DNAJC6: variants seen among roughly 807,000 people sequenced by gnomAD.
DNAJC6 encodes DnaJ heat shock protein family (Hsp40) member C6, also known as auxilin.
A neutral mutation model predicts 110.0 loss-of-function variants in DNAJC6; 34 were observed. The ratio of observed to expected loss-of-function variants is 0.31; its 90% CI spans 0.24 to 0.41. The LOEUF is 0.41. Among genes scored for constraint, DNAJC6 ranks in the 10% least tolerant of loss-of-function variants. DNAJC6 has a pLI of 1.00. For synonymous variants in DNAJC6, 406 were observed against 437.2 expected (o/e 0.93, Z 0.89); for missense variants, 1,031 against 1,207.8 (o/e 0.85, Z 2.17).
chr1:65,319,313 A>T (rs1219198935), intron 1 of DNAJC6, among the ~76,000 whole-genome samples: 1 of 152,146 alleles, frequency 6.6e-6, no homozygotes, highest in Non-Finnish European at 1.5e-5. Context: ...TAGGCTGCCC[A>T]TTAGGCTGTG....
At chr1:65,325,870 A>G (rs1645237458) in intron 1 of DNAJC6, among the ~76,000 whole-genome samples, 1 of 152,226 alleles carries the variant, frequency 6.6e-6, no homozygotes, top group South Asian at 2.1e-4. Flanking sequence ...ATGTTACTGT[A>G]CTGAATACTG....
intron 5 of DNAJC6, among the ~76,000 whole-genome samples, chr1:65,381,342 G>A (rs553255053): frequency 1.3e-5 from 2 of 152,076 alleles, no homozygotes. Flanking sequence ...GAGGTCAGGA[G>A]TTTGAGACCA....
intron 4 of DNAJC6, among the ~76,000 whole-genome samples, chr1:65,368,672 TCTCCCTTC>T (rs1307388378): frequency 8.8e-6 from 1 of 114,106 alleles, no homozygotes; most frequent in Non-Finnish European, 1.8e-5. Flanking sequence ...TTCCTTCCTC[TCTCCCTTC>T]CTCCCTTCCT....
chr1:65,348,934 G>T (rs2101510693), intron 1 of DNAJC6, among the ~76,000 whole-genome samples: 1 of 145,864 alleles, frequency 6.9e-6, no homozygotes, highest in South Asian at 2.1e-4. Context: ...ATATTTGTGT[G>T]TGTGCATGTG....
At chr1:65,298,570 C>T (rs1644948339) in intron 1 of DNAJC6, among the ~76,000 whole-genome samples, 1 of 151,064 alleles carries the variant, frequency 6.6e-6, no homozygotes, top group Non-Finnish European at 1.5e-5. Context: ...GGGGTCTATA[C>T]ATATGAAAAA....
Position 65,398,808 on chromosome 1 carries a change from T to G in DNAJC6, c.2039-5T>G, listed in dbSNP as rs1472983665. The G allele has an allele frequency of 6.2e-7, 1 of 1,614,082 alleles. No homozygotes were observed. The highest frequency in any genetic ancestry group is 8.5e-7 in the Non-Finnish European group (1 of 1,179,974). On this transcript the variant is annotated splice_polypyrimidine_tract_variant and splice_region_variant and intron_variant, in intron 13 of 18. Coordinates refer to ENST00000371069, the MANE Select transcript of DNAJC6 (RefSeq NM_001256864.2). ...TCTCATTCTTTTTCTTTTCCCCATT[T>G]GCAGCTTCTAGTACGCCTGCTGTGA...
chr1:65,359,971 G>A (rs898180341), intron 1 of DNAJC6, among the ~76,000 whole-genome samples: 1 of 152,146 alleles, frequency 6.6e-6, no homozygotes, highest in Non-Finnish European at 1.5e-5. Flanking sequence ...TTCACAGACT[G>A]TACAAAAACA....
chr1:65,382,174 CAT>C (rs1645828462), intron 5 of DNAJC6, among the ~76,000 whole-genome samples: 1 of 152,162 alleles, frequency 6.6e-6, no homozygotes, highest in Non-Finnish European at 1.5e-5. Context: ...AAGGAATCTC[CAT>C]TGGTTTGTTA....
chr1:65,361,690 G>A (rs1279916611), intron 1 of DNAJC6, among the ~76,000 whole-genome samples: 3 of 152,210 alleles, frequency 2.0e-5, no homozygotes, highest in Non-Finnish European at 2.9e-5. Flanking sequence ...ATATGTACTA[G>A]TTGTAGGAAT....
In DNAJC6 at chr1:65,392,655, A is replaced by C. The variant is rs1041755718; in HGVS notation, c.1693A>C (p.Ser565Arg). 26 of 1,613,268 alleles carry C rather than the reference A, an allele frequency of 1.6e-5. No homozygotes were observed. The South Asian group carries it at 2.8e-4, about 17-fold the overall frequency. The change falls in exon 12 of 19, where the codon AGT (serine) becomes CGT (arginine). Residue 565 changes from serine (S) to arginine (R), a missense_variant. Physicochemically the swap from Ser to Arg is moderately radical, Grantham distance 110. Transcript: ENST00000371069. ...TTTGGGCCTGGAAGGGTCTGCAATG[A>C]GTAACAGCTTCTCTCCGCCAGCGGC... ...DLLGLEGSAM[S>R]NSFSPPAAPP...
At chr1:65,409,128 G>A (rs1486346783) in intron 17 of DNAJC6, among the ~76,000 whole-genome samples, 1 of 152,044 alleles carries the variant, frequency 6.6e-6, no homozygotes, top group Non-Finnish European at 1.5e-5. Flanking sequence ...ATTTATAAGA[G>A]GTCTGTCTCA....
intron 1 of DNAJC6, among the ~76,000 whole-genome samples, chr1:65,315,220 T>C (rs2101385947): frequency 6.6e-6 from 1 of 152,318 alleles, no homozygotes; most frequent in Non-Finnish European, 1.5e-5. Flanking sequence ...CAAACCTAAG[T>C]TCCACATGCT....
chr1:65,373,049 A>G (rs1645722917), intron 4 of DNAJC6, among the ~76,000 whole-genome samples: 1 of 152,142 alleles, frequency 6.6e-6, no homozygotes, highest in Non-Finnish European at 1.5e-5. Flanking sequence ...CATATGAGTA[A>G]AAAACATGCA....
chr1:65,275,271 AAAC>A (rs1465793701), intron 1 of DNAJC6, among the ~76,000 whole-genome samples: 2 of 152,316 alleles, frequency 1.3e-5, no homozygotes, highest in African/African-American at 4.8e-5. Flanking sequence ...TATATGCTAG[AAAC>A]AAATATTCTC....
chr1:65,309,584 C>G lies in DNAJC6; in HGVS notation c.-162C>G, dbSNP rs1236828527. Reference sequence around the variant, plus strand: ...AGGGCGGCGGCTTCGCCTCGCCCGGCGAAGCTTCTCTCCGGTGGCCGCTCC... The same window carrying G: ...AGGGCGGCGGCTTCGCCTCGCCCGGGGAAGCTTCTCTCCGGTGGCCGCTCC... On this transcript the variant is annotated 5_prime_UTR_variant, in exon 1 of 19. Coordinates refer to ENST00000371069, the MANE Select transcript of DNAJC6 (RefSeq NM_001256864.2). The G allele has an allele frequency of 2.3e-6, 3 of 1,292,042 alleles. No individual in the cohort carries two copies. Among genetic ancestry groups the G allele is most frequent in the Admixed American group, 4.0e-5 (1 of 25,124 alleles). The allele number at this position is 1,292,042 out of a possible 1,614,324, so 80.0% of individuals were successfully genotyped here.
chr1:65,300,828 C>T (rs1557506888), intron 1 of DNAJC6, among the ~76,000 whole-genome samples: 2 of 152,138 alleles, frequency 1.3e-5, no homozygotes, highest in African/African-American at 2.4e-5. Flanking sequence ...GAATTTGTTC[C>T]ACCTGTGTCT....
chr1:65,366,262 A>G, intron 4 of DNAJC6, 66 bp downstream of exon 4: 1 of 1,567,940 alleles, frequency 6.4e-7, no homozygotes, highest in Non-Finnish European at 8.7e-7. Flanking sequence ...CCTCAGAGAT[A>G]CCCTTAAAGC....
intron 1 of DNAJC6, among the ~76,000 whole-genome samples, chr1:65,352,087 A>G (rs2101522117): frequency 6.6e-6 from 1 of 152,296 alleles, no homozygotes; most frequent in South Asian, 2.1e-4. Flanking sequence ...TTCAATATGT[A>G]GTTTTATATG....
intron 4 of DNAJC6, among the ~76,000 whole-genome samples, chr1:65,367,450 A>G (rs932563779): frequency 6.6e-6 from 1 of 152,230 alleles, no homozygotes; most frequent in African/African-American, 2.4e-5. Flanking sequence ...GTGAATTAAC[A>G]TCAAACAAAA....
Sources: gnomAD v4.1 joint callset for allele counts (sites outside exome capture counted in the v4.1 genomes callset) on GRCh38, gnomAD v4.1.1 for gene constraint, MANE v1.5 for transcripts, NCBI Gene and HGNC (gene_info 2026-07-23, HGNC 2026-07-21) for gene names.